The following PRSS37 variants were observed in gnomAD, a reference collection of about 807,000 sequenced individuals.
The protein encoded by PRSS37 is serine protease 37.
Under a neutral mutation model 28.0 loss-of-function variants are expected in PRSS37, and 25 were observed. The observed-to-expected ratio is 0.89, with a 90% CI of 0.65 to 1.25. The LOEUF is 1.25. PRSS37 is among the 50% of genes most tolerant of loss of function. PRSS37 has a pLI of 0.00. For synonymous variants in PRSS37, 109 were observed against 107.8 expected (o/e 1.01, Z -0.07); for missense variants, 282 against 292.2 (o/e 0.97, Z 0.25).
rs758575550 is a variant in PRSS37, at chr7:141,838,074, G to T, written c.216C>A (p.Val72=). The stretch of plus-strand genomic sequence containing the variant: ...TAATTGTCTGTTCAGTACCGTCTCT[G>T]ACTCTGCTCTTGAAATTTCCCAGCA... The part of the protein sequence containing the change: ...KVMLGNFKSR[V]RDGTEQTINP... Residue 72 remains valine, a synonymous_variant, in exon 3 of 5, where the codon GTC becomes GTA. Coordinates refer to ENST00000350549, the MANE Select transcript of PRSS37 (RefSeq NM_001008270.3). 1 of 1,614,080 alleles carries T rather than the reference G, an allele frequency of 6.2e-7. No homozygotes were observed. The highest frequency in any genetic ancestry group is 1.1e-5 in the South Asian group (1 of 91,084).
chr7:141,839,498 T>G lies in PRSS37; in HGVS notation c.35-19A>C, dbSNP rs1563052855. The G allele has an allele frequency of 6.4e-7, 1 of 1,574,200 alleles. No individual in the cohort carries two copies. The highest frequency in any genetic ancestry group is 8.7e-7 in the Non-Finnish European group (1 of 1,148,090). Reference sequence around the variant, plus strand: ...AATGTCCCTGAGAAAATAATGAACATTCTTAATACATAAATATTATAAAAA... The same window carrying G: ...AATGTCCCTGAGAAAATAATGAACAGTCTTAATACATAAATATTATAAAAA... On this transcript the variant is annotated intron_variant, in intron 1 of 4. Coordinates refer to ENST00000350549, the MANE Select transcript of PRSS37 (RefSeq NM_001008270.3).
In PRSS37 at chr7:141,836,342, T is replaced by C. The variant is rs1800949917; in HGVS notation, c.*53A>G. 6.4e-7 allele frequency: 1 copy of C among 1,555,806 alleles called. No individual in the cohort carries two copies. The highest frequency in any genetic ancestry group is 8.7e-7 in the Non-Finnish European group (1 of 1,143,898). The stretch of plus-strand genomic sequence containing the variant: ...TATTTTGAATAGAGGGAAAATTATC[T>C]GCTTGTATAGTCCATGGCAGAGCCA... On this transcript the variant is annotated 3_prime_UTR_variant, in exon 5 of 5. Transcript: ENST00000350549.
At position 141,836,647 on chromosome 7, in the gene PRSS37, A is replaced by G. The variant is rs1362292855; in HGVS notation, c.568-112T>C. The G allele has an allele frequency of 3.4e-6, 4 of 1,188,846 alleles. No individual in the cohort carries two copies. The East Asian group carries it at 1.0e-4, about 30-fold the overall frequency. The allele number at this position is 1,188,846 out of a possible 1,614,324, so 73.6% of individuals were successfully genotyped here. ...AGCCCTGTCTGCAGGCATATGCTGG[A>G]CTCTTGAAAAGAGCACCGAATCAGG... On this transcript the variant is annotated intron_variant, in intron 4 of 4. Coordinates refer to ENST00000350549, the MANE Select transcript of PRSS37 (RefSeq NM_001008270.3).
At chr7:141,839,581 T>A in intron 1 of PRSS37, 102 bp from the exon 2 acceptor site, 1 of 942,238 alleles carries the variant, frequency 1.1e-6, no homozygotes, top group Non-Finnish European at 1.6e-6. Context: ...CAGTTATCAG[T>A]TGGCCAAGAA....
chr7:141,838,375 A>G (rs1363711514), intron 2 of PRSS37: 1 of 1,327,922 alleles, frequency 7.5e-7, no homozygotes, highest in Non-Finnish European at 9.6e-7. Flanking sequence ...TCTTTAATGT[A>G]GTGGAGAGGA....
intron 2 of PRSS37, chr7:141,839,033 A>T (rs1432478949): frequency 1.9e-6 from 1 of 538,932 alleles, no homozygotes; most frequent in Admixed American, 2.3e-5. Context: ...AAAGAAAAAA[A>T]CTTATGAGAG....
In PRSS37 at chr7:141,839,283, C is replaced by T. The variant is rs111639633; in HGVS notation, c.176+55G>A. On this transcript the variant is annotated intron_variant, in intron 2 of 4. Coordinates refer to ENST00000350549, the MANE Select transcript of PRSS37 (RefSeq NM_001008270.3). ...AGAAGTTACCCTTATATGAGAACCA[C>T]TGATCTAGAATGAACAGTAGCTGTT... is the stretch of plus-strand genomic sequence containing the variant. 2.6e-4 allele frequency: 410 copies of T among 1,574,444 alleles called. 1 individual carries two copies. In the African/African-American group the frequency reaches 4.8e-3, roughly 19 times the overall value.
Position 141,836,409 on chromosome 7 carries a change from C to T in PRSS37, c.694G>A (p.Ala232Thr). 1 of 1,614,138 alleles carries T rather than the reference C, an allele frequency of 6.2e-7. No homozygotes were observed. Among genetic ancestry groups the T allele is most frequent in the South Asian group, 1.1e-5 (1 of 91,076 alleles). The change falls in exon 5 of 5, where the codon GCT (alanine) becomes ACT (threonine). Residue 232 changes from alanine to threonine, a missense_variant. Coordinates refer to ENST00000350549, the MANE Select transcript of PRSS37 (RefSeq NM_001008270.3). ...GAAGTAGGGTCTCACTTGTCCTTAG[C>T]AGTGTTCTCAATCCAGGATACATAT... The part of the protein sequence containing the change: ...YKYVSWIENT[A>T]KDK
rs189550606 is a variant in PRSS37 at position 141,837,930 on chromosome 7, G to A, written c.360C>T (p.Leu120=). 8.7e-6 allele frequency: 14 copies of A among 1,614,052 alleles called. No homozygotes were observed. Among genetic ancestry groups the A allele is most frequent in the Middle Eastern group, 1.6e-4 (1 of 6,062 alleles). ...TGCCTGGCCTGACATTGGTGGTGGCGAGGGTAAGGGGCTGGACTTTGGGAT... is the reference window on the plus strand; with the variant it reads ...TGCCTGGCCTGACATTGGTGGTGGCAAGGGTAAGGGGCTGGACTTTGGGAT... The part of the protein sequence containing the change: ...MLNPKVQPLT[L]ATTNVRPGTV... The change falls in exon 3 of 5, where the codon CTC becomes CTT. Residue 120 remains leucine, a synonymous_variant. Coordinates refer to ENST00000350549, the MANE Select transcript of PRSS37 (RefSeq NM_001008270.3).
At position 141,837,149 on chromosome 7, in the gene PRSS37, C is replaced by T. The variant is rs778187691; in HGVS notation, c.530G>A (p.Cys177Tyr). The change falls in exon 4 of 5, where the codon TGT becomes TAT. Residue 177 changes from cysteine (C) to tyrosine (Y), a missense_variant. Coordinates refer to ENST00000350549, the MANE Select transcript of PRSS37 (RefSeq NM_001008270.3). ...EQGKSHRNSLCVKFVKVFSRI... is the reference protein window; with the variant it reads ...EQGKSHRNSLYVKFVKVFSRI... ...GCTGAATACTTTCACAAATTTCACA[C>T]ATAAGGAATTCCTGTGGCTTTTTCC... 1.2e-6 allele frequency: 2 copies of T among 1,613,192 alleles called. No individual in the cohort carries two copies. Among genetic ancestry groups the T allele is most frequent in the East Asian group, 2.2e-5 (1 of 44,854 alleles).
Position 141,836,551 on chromosome 7 carries a change from CAG to C in PRSS37, c.568-18_568-17del, listed in dbSNP as rs10657416. ...CGGCCACCTCCTACCGGAGATCATG[CAG>C]AGAGAGAGAGAGAGAGAGAGTAAGA... On this transcript the variant is annotated splice_polypyrimidine_tract_variant and intron_variant, in intron 4 of 4. Transcript: ENST00000350549. 0.12 allele frequency: 135,940 copies of C among 1,180,588 alleles called. No individual in the cohort carries two copies. Among genetic ancestry groups the C allele is most frequent in the South Asian group, 0.18 (11,994 of 67,878 alleles). 73.1% of individuals were successfully genotyped at this position (1,180,588 alleles called of 1,614,324 possible).
Position 141,839,116 on chromosome 7 carries a change from T to C in PRSS37, c.176+222A>G. 4 of 641,692 alleles carry C rather than the reference T, an allele frequency of 6.2e-6. No homozygotes were observed. The South Asian group carries it at 6.7e-5, about 11-fold the overall frequency. 39.7% of individuals were successfully genotyped at this position (641,692 alleles called of 1,614,324 possible). The stretch of plus-strand genomic sequence containing the variant: ...ATTGCTGTTCTGGGCTGGACAAATC[T>C]TTATTGTGGGGACTGTGCTGTGAAT... On this transcript the variant is annotated intron_variant, in intron 2 of 4. Transcript: ENST00000350549.
At chr7:141,840,957 C>G in intron 1 of PRSS37, 59 bp downstream of exon 1, 1 of 1,554,906 alleles carries the variant, frequency 6.4e-7, no homozygotes, top group Non-Finnish European at 8.9e-7. Context: ...CTGCCTCTGT[C>G]TCACCCCATC....
chr7:141,840,907 T>C (rs2117273892), intron 1 of PRSS37, 109 bp downstream of exon 1: 1 of 1,091,774 alleles, frequency 9.2e-7, no homozygotes. Context: ...ATTCTGCTGA[T>C]GACACTATTT....
At position 141,839,353 on chromosome 7, in the gene PRSS37, G is replaced by A. The variant is rs753775735; in HGVS notation, c.161C>T (p.Ala54Val). ...AATACTCAACGGTAAATAGCAGTGAGCTGGGGCCAGCACCCAGCTGGGTTT... is the reference window on the plus strand; with the variant it reads ...AATACTCAACGGTAAATAGCAGTGAACTGGGGCCAGCACCCAGCTGGGTTT... ...LIKPSWVLAP[A>V]HCYLPNLKVM... Residue 54 changes from alanine to valine, a missense_variant, in exon 2 of 5, where the codon GCT becomes GTT. Coordinates refer to ENST00000350549, the MANE Select transcript of PRSS37 (RefSeq NM_001008270.3). The A allele has an allele frequency of 3.1e-6, 5 of 1,613,882 alleles. No homozygotes were observed. The highest frequency in any genetic ancestry group is 4.2e-6 in the Non-Finnish European group (5 of 1,179,828).
chr7:141,838,421 C>T (rs1445528978), intron 2 of PRSS37: 4 of 1,233,990 alleles, frequency 3.2e-6, no homozygotes, highest in Non-Finnish European at 4.1e-6. Context: ...ATTTTCTCGC[C>T]TATCTAACTG....
rs560720054 is a variant in PRSS37 at position 141,838,252 on chromosome 7, G to T, written c.177-139C>A. ...TTAACTCACAACAAGTCTATGCAGT[G>T]GATTCCATTTTTATCCCCATTTAGC... On this transcript the variant is annotated intron_variant, in intron 2 of 4. Transcript: ENST00000350549. 14 of 1,475,606 alleles carry T rather than the reference G, an allele frequency of 9.5e-6. No homozygotes were observed. The South Asian group carries it at 1.9e-4, about 20-fold the overall frequency. The allele number at this position is 1,475,606 out of a possible 1,614,324, so 91.4% of individuals were successfully genotyped here.
In PRSS37 at chr7:141,841,078, G is replaced by A. The variant is rs762871221; in HGVS notation, c.-29C>T. ...GATCCAGCTCTTCCCCCTGTGAGAT[G>A]TAGAAGAAAATCAGCAGAGTGTGGA... On this transcript the variant is annotated 5_prime_UTR_variant, in exon 1 of 5. Coordinates refer to ENST00000350549, the MANE Select transcript of PRSS37 (RefSeq NM_001008270.3). The A allele has an allele frequency of 6.2e-7, 1 of 1,613,256 alleles. No homozygotes were observed. Among genetic ancestry groups the A allele is most frequent in the South Asian group, 1.1e-5 (1 of 91,072 alleles).
At position 141,839,189 on chromosome 7, in the gene PRSS37, GC is replaced by G. The variant is rs1442287100; in HGVS notation, c.176+148del. 1.7e-5 allele frequency: 12 copies of G among 701,222 alleles called. No homozygotes were observed. In the East Asian group the frequency reaches 3.3e-4, roughly 19 times the overall value. 43.4% of individuals were successfully genotyped at this position (701,222 alleles called of 1,614,324 possible). A position where few individuals can be genotyped will look rare whatever the true frequency, so the allele number is the denominator to read the frequency against. ...TTGCTCTAGCCTCTCCCCATTAGAT[GC>G]CAATAGCACTGCCCCCTGGTTGTGA... On this transcript the variant is annotated intron_variant, in intron 2 of 4. Transcript: ENST00000350549.
Sources: gnomAD v4.1 joint callset for allele counts on GRCh38, gnomAD v4.1.1 for gene constraint, MANE v1.5 for transcripts, NCBI Gene and HGNC (gene_info 2026-07-23, HGNC 2026-07-21) for gene names.